Variants in ASTN2 observed in about 807,000 individuals in gnomAD.
ASTN2 encodes the protein astrotactin 2, also known as astrotactin-2.
A neutral mutation model predicts 139.8 loss-of-function variants in ASTN2; 54 were observed. The ratio of observed to expected loss-of-function variants is 0.39; its 90% confidence interval spans 0.31 to 0.48. ASTN2 has a LOEUF of 0.48. Among genes scored for constraint, ASTN2 ranks in the 20% least tolerant of loss-of-function variants. The pLI is 0.95. For missense variants in ASTN2, 1,565 were observed against 1,725.1 expected (o/e 0.91, Z 1.64); for synonymous variants, 756 against 719.5 (o/e 1.05, Z -0.81).
At chr9:116,479,871 G>A (rs1030007654) in intron 20 of ASTN2, among the ~76,000 whole-genome samples, 3 of 152,030 alleles carry the variant, frequency 2.0e-5, no homozygotes, top group East Asian at 1.9e-4. Flanking sequence ...CTCATAATTC[G>A]GTGTGGCAAT....
intron 5 of ASTN2, among the ~76,000 whole-genome samples, chr9:117,086,528 C>G (rs1444599785): frequency 6.6e-6 from 1 of 152,102 alleles, no homozygotes; most frequent in African/African-American, 2.4e-5. Context: ...GAGCTGAGAT[C>G]GTACCATTGC....
chr9:116,441,529 G>A (rs1465393736), intron 21 of ASTN2, among the ~76,000 whole-genome samples: 2 of 151,456 alleles, frequency 1.3e-5, no homozygotes, highest in African/African-American at 4.9e-5. Flanking sequence ...TTTTTTGACA[G>A]TGGACGTGTT....
chr9:117,330,575 T>G (rs556710285), intron 1 of ASTN2, among the ~76,000 whole-genome samples: 1 of 152,240 alleles, frequency 6.6e-6, no homozygotes, highest in African/African-American at 2.4e-5. Flanking sequence ...TGCCTCCAGC[T>G]CAAATAACTT....
intron 3 of ASTN2, among the ~76,000 whole-genome samples, chr9:117,147,859 A>C (rs1023564275): frequency 1.3e-5 from 2 of 152,108 alleles, no homozygotes; most frequent in African/African-American, 4.8e-5. Context: ...GCTGCACTCT[A>C]TAAGTACTCC....
At chr9:116,942,429 A>C (rs1326131417) in intron 10 of ASTN2, among the ~76,000 whole-genome samples, 3 of 151,946 alleles carry the variant, frequency 2.0e-5, no homozygotes, top group Non-Finnish European at 4.4e-5. Flanking sequence ...GGTTTTTATG[A>C]CTTGGTCATT....
At chr9:116,459,389 A>C (rs1848420929) in intron 20 of ASTN2, among the ~76,000 whole-genome samples, 1 of 152,112 alleles carries the variant, frequency 6.6e-6, no homozygotes, top group Non-Finnish European at 1.5e-5. Context: ...AAGCATAAGC[A>C]AACAAAAAAC....
At chr9:116,612,325 T>C (rs1372181777) in intron 19 of ASTN2, 1 of 151,928 alleles carries the variant, frequency 6.6e-6, no homozygotes, top group African/African-American at 2.4e-5. Context: ...AGACAGAAAG[T>C]TAACAAGGAT....
chr9:117,347,206 T>C (rs539755368), intron 1 of ASTN2, among the ~76,000 whole-genome samples: 15 of 151,956 alleles, frequency 9.9e-5, no homozygotes, highest in South Asian at 8.3e-4. Context: ...AGGTTGGCGG[T>C]TGAGAAGCAC....
chr9:116,890,818 C>T (rs138015088), intron 10 of ASTN2, among the ~76,000 whole-genome samples: 4 of 151,766 alleles, frequency 2.6e-5, no homozygotes, highest in African/African-American at 7.3e-5. Flanking sequence ...GGGGGTGGAG[C>T]GGGGGTATAT....
chr9:117,099,962 A>T (rs1256445277), intron 4 of ASTN2, among the ~76,000 whole-genome samples: 2 of 152,218 alleles, frequency 1.3e-5, no homozygotes, highest in Non-Finnish European at 2.9e-5. Context: ...TTCGTACCTA[A>T]TACAACCAGG....
intron 20 of ASTN2, among the ~76,000 whole-genome samples, chr9:116,465,844 T>C (rs892449864): frequency 1.3e-5 from 2 of 152,208 alleles, no homozygotes; most frequent in Admixed American, 1.3e-4. Context: ...TGATGAGTAG[T>C]CTTCAAGTGT....
chr9:116,902,630 T>C (rs1244999061), intron 10 of ASTN2, among the ~76,000 whole-genome samples: 1 of 152,110 alleles, frequency 6.6e-6, no homozygotes, highest in Non-Finnish European at 1.5e-5. Flanking sequence ...ATCTAGGATG[T>C]TGTCACAATG....
At chr9:117,100,116 G>A (rs963863829) in intron 4 of ASTN2, among the ~76,000 whole-genome samples, 1 of 152,142 alleles carries the variant, frequency 6.6e-6, no homozygotes, top group Non-Finnish European at 1.5e-5. Flanking sequence ...TTTTCTTGTA[G>A]GAACTCTAAT....
chr9:116,440,482 C>T (rs941905797), intron 22 of ASTN2, 127 bp downstream of exon 22: 29 of 872,948 alleles, frequency 3.3e-5, no homozygotes, highest in East Asian at 5.3e-5. Flanking sequence ...AGCCTTGACA[C>T]GACCAAGGTG....
intron 16 of ASTN2, among the ~76,000 whole-genome samples, chr9:116,685,428 T>C (rs1446451492): frequency 6.6e-6 from 1 of 152,184 alleles, no homozygotes; most frequent in African/African-American, 2.4e-5. Context: ...CTTTAACTAT[T>C]GCAATTCCCC....
chr9:116,589,575 C>T (rs1854296748), intron 19 of ASTN2, among the ~76,000 whole-genome samples: 1 of 152,140 alleles, frequency 6.6e-6, no homozygotes, highest in South Asian at 2.1e-4. Flanking sequence ...AACAAAGATT[C>T]TGCATGGCTC....
chr9:116,524,726 G>A (rs1013352451), intron 19 of ASTN2, among the ~76,000 whole-genome samples: 6 of 152,184 alleles, frequency 3.9e-5, no homozygotes, highest in South Asian at 2.1e-4. Context: ...GATCTGCTGG[G>A]ATGTGAGCCC....
At chr9:116,677,871 T>C (rs191253285) in intron 16 of ASTN2, among the ~76,000 whole-genome samples, 3 of 152,298 alleles carry the variant, frequency 2.0e-5, no homozygotes, top group Non-Finnish European at 2.9e-5. Flanking sequence ...GGCTTCACCC[T>C]GAAGCCAGTA....
chr9:116,435,781 A>G lies in ASTN2; in HGVS notation c.3782+4828T>C, dbSNP rs756994461. Among the ~76,000 whole-genome samples the G allele has an allele frequency of 5.8e-4, 88 of 152,196 alleles. 1 individual carries two copies. Among genetic ancestry groups the G allele is most frequent in the Non-Finnish European group, 1.2e-4 (8 of 68,040 alleles). ...TCTGCATCTGGAACCTTGTCACTCC[A>G]AGTATGCTTTTGGGGCCAACAACAT... On this transcript the variant is annotated intron_variant, in intron 22 of 22. Transcript: ENST00000313400.
Sources: gnomAD v4.1 joint callset for allele counts (sites outside exome capture counted in the v4.1 genomes callset) on GRCh38, gnomAD v4.1.1 for gene constraint, MANE v1.5 for transcripts, NCBI Gene and HGNC (gene_info 2026-07-23, HGNC 2026-07-21) for gene names.